The following NAV2 variants were observed in gnomAD, a reference collection of about 807,000 sequenced individuals.
NAV2 encodes the protein helicase, APC down-regulated 1.
NAV2 carries 54 observed loss-of-function variants against 223.2 expected under a neutral mutation model. The observed-to-expected ratio is 0.24, with a 90% CI of 0.19 to 0.30. NAV2 has a LOEUF of 0.30. Ranked by LOEUF, NAV2 falls within the 10% of genes least tolerant of loss-of-function variation. The pLI is 1.00. For synonymous variants in NAV2, 1,279 were observed against 1,239.3 expected (o/e 1.03, Z -0.67); for missense variants, 2,806 against 3,147.5 (o/e 0.89, Z 2.60).
intron 11 of NAV2, among the ~76,000 whole-genome samples, chr11:20,023,858 GA>G (rs919109052): frequency 1.5e-4 from 23 of 152,104 alleles, no homozygotes; most frequent in African/African-American, 5.3e-4. Context: ...AAGGGGAGAA[GA>G]AAACAATGTT....
intron 1 of NAV2, among the ~76,000 whole-genome samples, chr11:19,391,074 G>C (rs1226836694): frequency 6.6e-6 from 1 of 152,040 alleles, no homozygotes; most frequent in Non-Finnish European, 1.5e-5. Context: ...TAAATGAGGG[G>C]CCCAGCATTT....
At chr11:19,948,514 G>A (rs1225022939) in intron 9 of NAV2, among the ~76,000 whole-genome samples, 177 bp from the exon 10 acceptor site, 14 of 152,160 alleles carry the variant, frequency 9.2e-5, no homozygotes. Flanking sequence ...ATGTAGATGT[G>A]TAGCTTTCCT....
chr11:19,800,014 C>G (rs987667876), intron 1 of NAV2, among the ~76,000 whole-genome samples: 1 of 152,180 alleles, frequency 6.6e-6, no homozygotes, highest in Non-Finnish European at 1.5e-5. Context: ...TAGGAAAATG[C>G]ATCTTGGCAG....
chr11:19,505,338 A>G (rs374887069), intron 1 of NAV2: 2 of 152,372 alleles, frequency 1.3e-5, no homozygotes, highest in East Asian at 3.9e-4. Context: ...CATTACCCAC[A>G]TAACAGAAAG....
At chr11:19,382,814 C>T (rs757484182) in intron 1 of NAV2, among the ~76,000 whole-genome samples, 12 of 152,112 alleles carry the variant, frequency 7.9e-5, no homozygotes, top group Non-Finnish European at 1.3e-4. Context: ...AGTGGCTTGC[C>T]CAAGATTGCA....
intron 1 of NAV2, among the ~76,000 whole-genome samples, chr11:19,409,246 G>T (rs1342532434): frequency 6.6e-6 from 1 of 152,216 alleles, no homozygotes; most frequent in Non-Finnish European, 1.5e-5. Flanking sequence ...TTAAAAAAGA[G>T]AAAGTAAGAA....
Position 19,879,886 on chromosome 11 carries a change from C to T in NAV2, c.529C>T (p.Leu177Phe). The T allele has an allele frequency of 1.2e-6, 2 of 1,613,928 alleles. No individual in the cohort carries two copies. Among genetic ancestry groups the T allele is most frequent in the Non-Finnish European group, 1.7e-6 (2 of 1,180,030 alleles). The change falls in exon 5 of 38, where the codon CTC (leucine) becomes TTC (phenylalanine). Residue 177 changes from leucine to phenylalanine, a missense_variant. By Grantham distance (22) the Leu-to-Phe change is conservative. Around this residue, in one of 4 missense-constraint regions of NAV2, gnomAD observed 1,167 missense variants for 1,180.5 expected, o/e 0.99. Transcript: ENST00000349880. ...TCTTGCAGAGATCAGGAATGGAAACCTCAAGGCCATTCTAGGCCTCTTCTT... is the reference window on the plus strand; with the variant it reads ...TCTTGCAGAGATCAGGAATGGAAACTTCAAGGCCATTCTAGGCCTCTTCTT... ...LSAEEIRNGN[L>F]KAILGLFFSL...
chr11:19,430,444 C>CA (rs1163999575), intron 1 of NAV2, among the ~76,000 whole-genome samples: 1 of 152,198 alleles, frequency 6.6e-6, no homozygotes, highest in Admixed American at 6.5e-5. Flanking sequence ...CAGCGACCCT[C>CA]ACTGGCATTC....
chr11:20,055,848 G>T lies in NAV2; in HGVS notation c.4722G>T (p.Gly1574=). 1 of 1,614,176 alleles carries T rather than the reference G, an allele frequency of 6.2e-7. No individual in the cohort carries two copies. The highest frequency in any genetic ancestry group is 8.5e-7 in the Non-Finnish European group (1 of 1,180,030). ...LRTHSLSNAD[G]QYDPYTDSRF... ...CTCACAGCCTCTCCAATGCTGATGG[G>T]CAGTATGATCCATACACTGACAGCC... Residue 1574 remains glycine, a synonymous_variant, in exon 19 of 38, where the codon GGG becomes GGT. Coordinates refer to ENST00000349880, the MANE Select transcript of NAV2 (RefSeq NM_145117.5).
intron 1 of NAV2, among the ~76,000 whole-genome samples, chr11:19,605,985 C>A (rs376383728): frequency 6.6e-6 from 1 of 152,154 alleles, no homozygotes; most frequent in Non-Finnish European, 1.5e-5. Context: ...CCGTTTCAGA[C>A]GGAGGCAAAG....
At chr11:19,466,805 C>T (rs1291482116) in intron 1 of NAV2, among the ~76,000 whole-genome samples, 1 of 152,108 alleles carries the variant, frequency 6.6e-6, no homozygotes, top group Non-Finnish European at 1.5e-5. Flanking sequence ...CAAGTGTTGG[C>T]ACTAATTGTT....
chr11:19,875,971 G>A (rs1179637605), intron 4 of NAV2, among the ~76,000 whole-genome samples: 1 of 152,052 alleles, frequency 6.6e-6, no homozygotes, highest in African/African-American at 2.4e-5. Context: ...AGCCAAAAAA[G>A]GGAAGTACAG....
chr11:19,366,385 G>T (rs1848280459), intron 1 of NAV2, among the ~76,000 whole-genome samples: 1 of 152,218 alleles, frequency 6.6e-6, no homozygotes, highest in Non-Finnish European at 1.5e-5. Flanking sequence ...AGGAGAGCCA[G>T]GGCTGCTCTT....
intron 1 of NAV2, among the ~76,000 whole-genome samples, chr11:19,630,939 G>GAAAA (rs1199246744): frequency 1.8e-5 from 2 of 113,354 alleles, no homozygotes; most frequent in African/African-American, 3.8e-5. Context: ...AAAAAAAAAG[G>GAAAA]AAAAAAGAAA....
intron 1 of NAV2, among the ~76,000 whole-genome samples, chr11:19,492,516 T>C (rs2134086404): frequency 6.6e-6 from 1 of 152,196 alleles, no homozygotes; most frequent in South Asian, 2.1e-4. Flanking sequence ...CATCTTGTAC[T>C]ATGAGGATAA....
At chr11:19,457,666 G>A (rs1283452245) in intron 1 of NAV2, among the ~76,000 whole-genome samples, 1 of 152,184 alleles carries the variant, frequency 6.6e-6, no homozygotes, top group South Asian at 2.1e-4. Flanking sequence ...TAGGGAGTGG[G>A]AGAGAGGAGA....
At chr11:19,462,983 T>C (rs1348588882) in intron 1 of NAV2, among the ~76,000 whole-genome samples, 1 of 152,204 alleles carries the variant, frequency 6.6e-6, no homozygotes, top group African/African-American at 2.4e-5. Flanking sequence ...ATTCAGAGGA[T>C]ACTTCTTTTC....
intron 1 of NAV2, among the ~76,000 whole-genome samples, chr11:19,592,936 C>T (rs767265688): frequency 6.6e-6 from 1 of 152,136 alleles, no homozygotes; most frequent in Non-Finnish European, 1.5e-5. Context: ...TCCCTTTCAC[C>T]TGGTTTTCTC....
intron 7 of NAV2, among the ~76,000 whole-genome samples, chr11:19,935,850 T>TGTTTTTTTTTTTTG: frequency 8.3e-6 from 1 of 121,092 alleles, no homozygotes; most frequent in African/African-American, 3.0e-5. Flanking sequence ...GTTTTGTTTC[T>TGTTTTTTTTTTTTG]GTTTTTTTTT....
Sources: allele counts gnomAD v4.1 joint callset (sites outside exome capture counted in the v4.1 genomes callset), GRCh38; gene constraint gnomAD v4.1.1; regional missense constraint gnomAD v4.1.1; transcripts MANE v1.5; gene names NCBI Gene and HGNC (gene_info 2026-07-23, HGNC 2026-07-21).